Variants in SLC22A14 observed in about 807,000 individuals in gnomAD.
SLC22A14 encodes the protein organic cation transporter-like 4.
In SLC22A14, 50 loss-of-function variants were observed where a neutral mutation model predicts 53.9. The observed-to-expected ratio is 0.93, with a 90% CI of 0.74 to 1.17. SLC22A14 has a LOEUF of 1.17. Ranked by LOEUF, SLC22A14 falls within the 50% of genes most tolerant of loss-of-function variation. The pLI is 0.00. For synonymous variants in SLC22A14, 312 were observed against 303.0 expected, an observed-to-expected ratio of 1.03 and a Z score of -0.31; for missense variants, 671 against 734.7, an observed-to-expected ratio of 0.91 and a Z score of 1.00.
rs1704529466 is a variant in SLC22A14, at chr3:38,313,465, C to T, written c.1143C>T (p.Thr381=). 7.4e-6 allele frequency: 12 copies of T among 1,612,332 alleles called. No homozygotes were observed. Among genetic ancestry groups the T allele is most frequent in the African/African-American group, 1.3e-5 (1 of 74,852 alleles). ...AGAATAGGCAGCTCTGCAAGGTGAC[C>T]TTGGTGATGAGCTGTGTGTGGTGAG... ...FCKNRQLCKV[T]LVMSCVWFTV... Residue 381 remains threonine (T), a synonymous_variant, in exon 7 of 11, where the codon ACC becomes ACT. Coordinates refer to ENST00000448498, the MANE Select transcript of SLC22A14 (RefSeq NM_001320033.2).
intron 1 of SLC22A14, among the ~76,000 whole-genome samples, chr3:38,298,942 T>C (rs1704102467): frequency 6.6e-6 from 1 of 152,228 alleles, no homozygotes; most frequent in Admixed American, 6.5e-5. Context: ...TTAAATATTA[T>C]ACACATAGTT....
chr3:38,308,644 C>T (rs939164193), intron 4 of SLC22A14, among the ~76,000 whole-genome samples: 16 of 152,150 alleles, frequency 1.1e-4, no homozygotes, highest in Admixed American at 5.9e-4. Context: ...TGTCAGGCCA[C>T]GTGTCTGGTA....
upstream of SLC22A14, among the ~76,000 whole-genome samples, chr3:38,279,833 T>C (rs376131627): frequency 6.6e-6 from 1 of 152,136 alleles, no homozygotes; most frequent in Non-Finnish European, 1.5e-5. Context: ...CAATGGTGAC[T>C]ATCAGTCCTA....
chr3:38,313,775 G>A lies in SLC22A14; in HGVS notation c.1212G>A (p.Glu404=). 6.2e-7 allele frequency: 1 copy of A among 1,604,596 alleles called. No individual in the cohort carries two copies. The highest frequency in any genetic ancestry group is 8.5e-7 in the Non-Finnish European group (1 of 1,175,444). The part of the protein sequence containing the change: ...TYFTLSLRMR[E]LGVSVHFRHV... ...TTACGTTGAGCCTGAGAATGAGAGAGCTGGGCGTGAGCGTCCACTTCAGAC... is the reference window on the plus strand; with the variant it reads ...TTACGTTGAGCCTGAGAATGAGAGAACTGGGCGTGAGCGTCCACTTCAGAC... The change falls in exon 8 of 11, where the codon GAG becomes GAA. Residue 404 remains glutamate, a synonymous_variant. Coordinates refer to ENST00000448498, the MANE Select transcript of SLC22A14 (RefSeq NM_001320033.2).
chr3:38,287,310 T>A (rs182494986), intron 1 of SLC22A14, among the ~76,000 whole-genome samples: 280 of 152,340 alleles, frequency 1.8e-3, no homozygotes, highest in African/African-American at 6.4e-3. Flanking sequence ...TTTATAAATT[T>A]AAAATTTTGT....
At chr3:38,308,257 A>G (rs28575078) in intron 4 of SLC22A14, 30 of 159,374 alleles carry the variant, frequency 1.9e-4, no homozygotes, top group Middle Eastern at 3.0e-3. Context: ...GGAGGAGAAG[A>G]AGAAGAAGAA....
chr3:38,284,436 C>CT (rs2125868295), intron 1 of SLC22A14, among the ~76,000 whole-genome samples: 1 of 152,326 alleles, frequency 6.6e-6, no homozygotes, highest in Admixed American at 6.5e-5. Context: ...TCCCTGCCCT[C>CT]TAGGCCCACC....
chr3:38,311,001 C>T (rs1195424691), intron 5 of SLC22A14, among the ~76,000 whole-genome samples: 2 of 152,166 alleles, frequency 1.3e-5, no homozygotes, highest in African/African-American at 2.4e-5. Context: ...CAGGACAAGC[C>T]CCCATGTTTC....
intron 1 of SLC22A14, among the ~76,000 whole-genome samples, chr3:38,289,180 C>CAA (rs1173451784): frequency 0.025 from 1,300 of 52,850 alleles, 28 homozygotes; most frequent in East Asian, 0.033. Context: ...TCTATCTCTA[C>CAA]AAAAAAAAAA....
At chr3:38,313,542 C>T in intron 7 of SLC22A14, 57 bp downstream of exon 7, 1 of 1,294,994 alleles carries the variant, frequency 7.7e-7, no homozygotes, top group Non-Finnish European at 1.1e-6. Flanking sequence ...GCTGGAAACT[C>T]TAGGGAGAGG....
chr3:38,307,168 G>C lies in SLC22A14; in HGVS notation c.517-86G>C, dbSNP rs1291426430. On this transcript the variant is annotated intron_variant, in intron 2 of 10. Transcript: ENST00000448498. The surrounding 1 kb of genome is among the most constrained non-coding windows in gnomAD (Gnocchi z 4.4). ...AACTGCCCCTACCCCAGGTCCCCTTGGCCTATAGGTCCCACGCTGGGATGA... is the reference window on the plus strand; with the variant it reads ...AACTGCCCCTACCCCAGGTCCCCTTCGCCTATAGGTCCCACGCTGGGATGA... The C allele has an allele frequency of 1.1e-6, 1 of 907,144 alleles. No individual in the cohort carries two copies. Among genetic ancestry groups the C allele is most frequent in the Non-Finnish European group, 1.9e-6 (1 of 535,400 alleles). The allele number at this position is 907,144 out of a possible 1,614,324, so 56.2% of individuals were successfully genotyped here.
In SLC22A14 at chr3:38,313,812, A is replaced by G; in HGVS notation, c.1249A>G (p.Ser417Gly). ...CGTCCACTTCAGACACGTGGTCCCC[A>G]GCATCATGGAGGTGCCTGCCCGGCT... ...VSVHFRHVVP[S>G]IMEVPARLCC... The change falls in exon 8 of 11, where the codon AGC (serine) becomes GGC (glycine). Residue 417 changes from serine to glycine, a missense_variant. By Grantham distance (56) the Ser-to-Gly change is moderately conservative. Transcript: ENST00000448498. 2.5e-6 allele frequency: 4 copies of G among 1,614,098 alleles called. No individual in the cohort carries two copies. The highest frequency in any genetic ancestry group is 3.4e-6 in the Non-Finnish European group (4 of 1,180,004).
intron 5 of SLC22A14, among the ~76,000 whole-genome samples, chr3:38,310,654 C>T (rs992502875): frequency 6.6e-6 from 1 of 152,134 alleles, no homozygotes; most frequent in Admixed American, 6.6e-5. Flanking sequence ...CAGGTCCATT[C>T]GTGGGTCTTC....
chr3:38,297,471 AT>A (rs1454110742), intron 1 of SLC22A14, among the ~76,000 whole-genome samples: 3 of 151,462 alleles, frequency 2.0e-5, no homozygotes, highest in Non-Finnish European at 2.9e-5. Context: ...TTCCACTTTT[AT>A]TTTAAGTTCA....
chr3:38,300,940 G>A (rs982362163), intron 1 of SLC22A14, among the ~76,000 whole-genome samples: 27 of 152,212 alleles, frequency 1.8e-4, no homozygotes, highest in African/African-American at 5.3e-4. Flanking sequence ...CACCCAGGGC[G>A]CTAGGACTAC....
chr3:38,311,501 A>G (rs540942379), intron 5 of SLC22A14, among the ~76,000 whole-genome samples: 3 of 152,298 alleles, frequency 2.0e-5, no homozygotes, highest in Middle Eastern at 3.4e-3. Flanking sequence ...GCATTTGACA[A>G]ATCTTTAAGT....
intron 1 of SLC22A14, among the ~76,000 whole-genome samples, chr3:38,293,403 C>T (rs1215123943): frequency 6.6e-6 from 1 of 152,140 alleles, no homozygotes. Context: ...ACCTGCTTCT[C>T]CTGATCTCTA....
chr3:38,308,194 GAAAGAA>G (rs1704368032), intron 4 of SLC22A14: 1 of 158,510 alleles, frequency 6.3e-6, no homozygotes, highest in South Asian at 1.8e-4. Context: ...GGAGGAGGAG[GAAAGAA>G]AAAGAAAGAA....
At chr3:38,288,187 A>G (rs1320395890) in intron 1 of SLC22A14, among the ~76,000 whole-genome samples, 1 of 152,214 alleles carries the variant, frequency 6.6e-6, no homozygotes, top group Non-Finnish European at 1.5e-5. Context: ...GTAATCATAC[A>G]TGTCCTTTTG....
Sources: allele counts gnomAD v4.1 joint callset (sites outside exome capture counted in the v4.1 genomes callset), GRCh38; gene constraint gnomAD v4.1.1; non-coding constraint Gnocchi (gnomAD v3.1); transcripts MANE v1.5; gene names NCBI Gene and HGNC (gene_info 2026-07-23, HGNC 2026-07-21).